OPHN1: variants seen among roughly 807,000 people sequenced by gnomAD.
OPHN1 encodes oligophrenin-1.
Under a neutral mutation model 60.7 loss-of-function variants are expected in OPHN1, and 11 were observed. That is an observed-to-expected ratio of 0.18 (90% CI 0.11 to 0.30). The LOEUF is 0.30. Among genes scored for constraint, OPHN1 ranks in the 10% least tolerant of loss-of-function variants. The pLI, the probability that OPHN1 is intolerant of heterozygous loss-of-function variation, is 1.00. For synonymous variants in OPHN1, 226 were observed against 222.6 expected, an observed-to-expected ratio of 1.02 and a Z score of -0.14; for missense variants, 449 against 611.0, an observed-to-expected ratio of 0.73 and a Z score of 2.80.
At chrX:68,385,962 T>C (rs1459630287) in intron 2 of OPHN1, among the ~76,000 whole-genome samples, 1 of 112,109 alleles carries the variant, frequency 8.9e-6, no homozygotes, top group Non-Finnish European at 1.9e-5. Flanking sequence ...GTTTATCAGT[T>C]TCATCCCAAG....
At chrX:68,234,220 A>C (rs2077742158) in intron 6 of OPHN1, among the ~76,000 whole-genome samples, 1 of 111,252 alleles carries the variant, frequency 9.0e-6, no homozygotes, top group Non-Finnish European at 1.9e-5. Context: ...TTGCAATTGA[A>C]AGGGACTCTC....
chrX:68,060,496 G>C (rs1221646913), intron 21 of OPHN1, among the ~76,000 whole-genome samples: 5 of 111,826 alleles, frequency 4.5e-5, no homozygotes, highest in African/African-American at 1.6e-4. Context: ...CTCATGTCTG[G>C]AACAGAAAAG....
intron 5 of OPHN1, among the ~76,000 whole-genome samples, chrX:68,267,044 G>A (rs947345783): frequency 1.3e-4 from 14 of 111,273 alleles, no homozygotes; most frequent in Admixed American, 3.8e-4. Flanking sequence ...CTTAGAGATC[G>A]AGAAAGAGAC....
At chrX:68,329,881 A>T (rs2078286072) in intron 2 of OPHN1, among the ~76,000 whole-genome samples, 1 of 111,844 alleles carries the variant, frequency 8.9e-6, no homozygotes, top group African/African-American at 3.2e-5. Context: ...AACTATGTAA[A>T]ATAAAAGTGC....
intron 5 of OPHN1, among the ~76,000 whole-genome samples, chrX:68,254,257 G>A (rs1252569445): frequency 4.5e-5 from 5 of 111,453 alleles, no homozygotes; most frequent in East Asian, 5.7e-4. Flanking sequence ...GTAGGACCTA[G>A]GAGGTGTCAC....
chrX:68,263,902 T>C (rs952140783), intron 5 of OPHN1, among the ~76,000 whole-genome samples: 10 of 112,325 alleles, frequency 8.9e-5, no homozygotes, highest in Non-Finnish European at 1.5e-4. Context: ...TTTTTCAAAC[T>C]GTCTTCAAAA....
intron 17 of OPHN1, 39 bp from the exon 18 acceptor site, chrX:68,111,998 T>C (rs1487875423): frequency 1.0e-6 from 1 of 978,841 alleles, no homozygotes; most frequent in African/African-American, 1.9e-5. Flanking sequence ...TTTGGCTTTC[T>C]GGGCAACTGG....
intron 19 of OPHN1, among the ~76,000 whole-genome samples, chrX:68,085,049 G>C (rs2076990194): frequency 8.9e-6 from 1 of 112,447 alleles, no homozygotes; most frequent in Non-Finnish European, 1.9e-5. Flanking sequence ...AATTGCTGTA[G>C]TAAGAAGAAT....
intron 4 of OPHN1, among the ~76,000 whole-genome samples, chrX:68,282,095 T>G (rs1286003083): frequency 8.9e-6 from 1 of 112,160 alleles, no homozygotes; most frequent in African/African-American, 3.2e-5. Flanking sequence ...ACCAAATCAG[T>G]TGGAAATTTG....
In OPHN1 at chrX:68,433,475, G is replaced by T; in HGVS notation, c.-312C>A. ...GCCTCTCTACAGGCTCCTCGCTCCG[G>T]AGCGAGCGGAAGACTTCCTTGGCCG... On this transcript the variant is annotated 5_prime_UTR_variant, in exon 1 of 25. Transcript: ENST00000355520. The T allele has an allele frequency of 3.6e-6, 1 of 277,504 alleles. No individual in the cohort carries two copies. The highest frequency in any genetic ancestry group is 6.3e-6 in the Non-Finnish European group (1 of 157,785). 22.9% of individuals were successfully genotyped at this position (277,504 alleles called of 1,213,427 possible). A position where few individuals can be genotyped will look rare whatever the true frequency, so the allele number is the denominator to read the frequency against.
At chrX:68,181,324 C>A (rs1039883503) in intron 15 of OPHN1, among the ~76,000 whole-genome samples, 2 of 111,407 alleles carry the variant, frequency 1.8e-5, no homozygotes, top group East Asian at 2.8e-4. Flanking sequence ...CTGATAAGAT[C>A]CTGCAAAATC....
At chrX:68,122,685 T>C (rs1465540419) in intron 15 of OPHN1, among the ~76,000 whole-genome samples, 2 of 109,706 alleles carry the variant, frequency 1.8e-5, no homozygotes, top group Non-Finnish European at 3.8e-5. Context: ...AATTCTGGAG[T>C]TAAAAAATGT....
At chrX:68,053,545 C>A in intron 22 of OPHN1, 100 bp downstream of exon 22, 1 of 864,084 alleles carries the variant, frequency 1.2e-6, no homozygotes, top group East Asian at 3.3e-5. Context: ...AAGGATGCCC[C>A]AGGGCTGTGC....
chrX:68,279,078 A>G (rs2078006463), intron 4 of OPHN1, among the ~76,000 whole-genome samples: 1 of 84,152 alleles, frequency 1.2e-5, no homozygotes, highest in African/African-American at 4.6e-5. Context: ...TGCAATTCAG[A>G]CTTTTCAAGG....
chrX:68,335,904 T>C (rs1269024871), intron 2 of OPHN1, among the ~76,000 whole-genome samples: 2 of 111,464 alleles, frequency 1.8e-5, no homozygotes, highest in Admixed American at 1.9e-4. Context: ...CACTTTAGCT[T>C]GGGCAAAAGA....
At chrX:68,187,121 G>A (rs189538588) in intron 15 of OPHN1, among the ~76,000 whole-genome samples, 5 of 111,945 alleles carry the variant, frequency 4.5e-5, no homozygotes, top group East Asian at 5.6e-4. Context: ...GAATGACCTC[G>A]GGGTCCACTT....
chrX:68,116,037 G>A (rs918351747), intron 16 of OPHN1, among the ~76,000 whole-genome samples: 1 of 112,257 alleles, frequency 8.9e-6, no homozygotes, highest in East Asian at 2.8e-4. Context: ...TTGACAATTG[G>A]TTGAGTTTAT....
At chrX:68,237,920 C>T (rs1353063778) in intron 5 of OPHN1, among the ~76,000 whole-genome samples, 1 of 112,073 alleles carries the variant, frequency 8.9e-6, no homozygotes, top group Non-Finnish European at 1.9e-5. Flanking sequence ...CGTAGACATC[C>T]TTATTTTGTT....
chrX:68,133,963 T>C (rs776018529), intron 15 of OPHN1, among the ~76,000 whole-genome samples: 66 of 110,404 alleles, frequency 6.0e-4, no homozygotes, highest in African/African-American at 2.1e-3. Context: ...TCACCTGAGG[T>C]CAGAAGTTTG....
Sources: gnomAD v4.1 joint callset for allele counts (sites outside exome capture counted in the v4.1 genomes callset) on GRCh38, gnomAD v4.1.1 for gene constraint, MANE v1.5 for transcripts, NCBI Gene and HGNC (gene_info 2026-07-23, HGNC 2026-07-21) for gene names.